TAFA2: variants seen among roughly 807,000 people sequenced by gnomAD.
TAFA2 encodes the protein TAFA chemokine like family member 2, also known as chemokine-like protein TAFA-2.
In TAFA2, 7 loss-of-function variants were observed where a neutral mutation model predicts 18.8. The observed-to-expected ratio is 0.37, with a 90% CI of 0.21 to 0.70. TAFA2 has a LOEUF of 0.70. Among genes scored for constraint, TAFA2 ranks in the 30% least tolerant of loss-of-function variants. The pLI, the probability that TAFA2 is intolerant of heterozygous loss-of-function variation, is 0.53. For missense variants in TAFA2, 122 were observed against 158.1 expected, an observed-to-expected ratio of 0.77 and a Z score of 1.23; for synonymous variants, 60 against 54.2, an observed-to-expected ratio of 1.11 and a Z score of -0.47.
chr12:62,104,688 T>A, intron 1 of TAFA2: 1 of 455,766 alleles, frequency 2.2e-6, no homozygotes, highest in Non-Finnish European at 4.4e-6. Context: ...TAACTAGTCC[T>A]CAACTAAGAG....
At chr12:62,050,584 A>C (rs1008193720) in intron 1 of TAFA2, among the ~76,000 whole-genome samples, 1 of 152,168 alleles carries the variant, frequency 6.6e-6, no homozygotes, top group South Asian at 2.1e-4. Flanking sequence ...AAAAAAAAAA[A>C]ATTGTTACAA....
At chr12:61,725,256 T>C (rs1451096039) in intron 4 of TAFA2, among the ~76,000 whole-genome samples, 3 of 152,156 alleles carry the variant, frequency 2.0e-5, no homozygotes, top group Admixed American at 6.6e-5. Context: ...TGCTGATTAT[T>C]ACTTTTGCTG....
At chr12:62,181,014 A>G (rs1032335566) in intron 1 of TAFA2, among the ~76,000 whole-genome samples, 1 of 152,196 alleles carries the variant, frequency 6.6e-6, no homozygotes, top group Non-Finnish European at 1.5e-5. Context: ...TGTAGTCTCT[A>G]AGTCTCCAGG....
chr12:61,775,079 C>T (rs1444767640), intron 2 of TAFA2, among the ~76,000 whole-genome samples: 2 of 151,708 alleles, frequency 1.3e-5, no homozygotes, highest in Non-Finnish European at 2.9e-5. Flanking sequence ...TGCTCCAAAT[C>T]ATGTGTCATC....
At chr12:61,979,997 A>C (rs974528736) in intron 1 of TAFA2, among the ~76,000 whole-genome samples, 1 of 152,170 alleles carries the variant, frequency 6.6e-6, no homozygotes, top group African/African-American at 2.4e-5. Context: ...AAATATACTT[A>C]TTCTGATATA....
Position 62,209,086 on chromosome 12 carries a change from A to AACAG in TAFA2, c.-130+49673_-130+49676dup, listed in dbSNP as rs1310593517. ...CCCCAACACAAGGTTTTTGAAAACA[A>AACAG]ACAGACTTCCACTTCAGCAGGAAAT... On this transcript the variant is annotated intron_variant, in intron 1 of 5. Coordinates refer to the TAFA2 transcript ENST00000551619. Among the ~76,000 whole-genome samples, 16 of 152,348 alleles carry AACAG rather than the reference A, an allele frequency of 1.1e-4. No individual in the cohort carries two copies. The East Asian group carries it at 2.9e-3, about 27-fold the overall frequency.
At chr12:62,243,530 T>C (rs894246428) in intron 1 of TAFA2, among the ~76,000 whole-genome samples, 7 of 152,190 alleles carry the variant, frequency 4.6e-5, no homozygotes, top group Admixed American at 1.3e-4. Context: ...TTCTGTTTCA[T>C]TGTGTGCTAA....
rs1420929259 is a variant in TAFA2, at chr12:61,753,754, A to G, written c.260-8T>C. ...TCTGTTCCACTATTGAAGCTATAAG[A>G]GAGAAAAAAAATTGACTCAACATTT... On this transcript the variant is annotated splice_polypyrimidine_tract_variant and splice_region_variant and intron_variant, in intron 3 of 4. Transcript: ENST00000416284. 1.9e-6 allele frequency: 3 copies of G among 1,595,392 alleles called. No homozygotes were observed. The highest frequency in any genetic ancestry group is 3.6e-5 in the Admixed American group (2 of 55,980).
At chr12:61,999,834 C>T (rs1210945880) in intron 1 of TAFA2, among the ~76,000 whole-genome samples, 1 of 152,150 alleles carries the variant, frequency 6.6e-6, no homozygotes, top group Non-Finnish European at 1.5e-5. Flanking sequence ...GAGAGATAGG[C>T]TGAATAACAT....
intron 1 of TAFA2, among the ~76,000 whole-genome samples, chr12:62,214,216 A>C (rs1240713352): frequency 6.6e-6 from 1 of 152,150 alleles, no homozygotes; most frequent in African/African-American, 2.4e-5. Flanking sequence ...CTGTATGCCC[A>C]CCCAAATCTC....
chr12:62,221,229 G>GGAAGGGGGGAAGGAAT, intron 1 of TAFA2, among the ~76,000 whole-genome samples: 1 of 140,222 alleles, frequency 7.1e-6, no homozygotes, highest in Non-Finnish European at 1.5e-5. Flanking sequence ...AAGGAAGGAA[G>GGAAGGGGGGAAGGAAT]GAAGGAAGGA....
intron 1 of TAFA2, among the ~76,000 whole-genome samples, chr12:62,029,835 C>CTG (rs1361269151): frequency 5.7e-4 from 86 of 151,794 alleles, no homozygotes; most frequent in African/African-American, 2.0e-3. Context: ...CTCTCTCTCT[C>CTG]TCTCTCTGTC....
chr12:62,238,166 G>C (rs1175147572), intron 1 of TAFA2, among the ~76,000 whole-genome samples: 2 of 152,278 alleles, frequency 1.3e-5, no homozygotes, highest in Admixed American at 1.3e-4. Context: ...GGAAACAATG[G>C]GTTTCCACAT....
chr12:61,895,408 C>T (rs985711788), intron 1 of TAFA2, among the ~76,000 whole-genome samples: 9 of 152,110 alleles, frequency 5.9e-5, no homozygotes, highest in African/African-American at 2.2e-4. Flanking sequence ...TACCCCTCCC[C>T]TAATCTACCG....
chr12:61,953,171 C>G (rs1236641567), intron 1 of TAFA2, among the ~76,000 whole-genome samples: 3 of 152,082 alleles, frequency 2.0e-5, no homozygotes, highest in East Asian at 1.9e-4. Flanking sequence ...TCCTGAGAAC[C>G]TATTGCCATG....
At chr12:61,838,530 G>A (rs1873031893) in intron 2 of TAFA2, among the ~76,000 whole-genome samples, 1 of 152,016 alleles carries the variant, frequency 6.6e-6, no homozygotes, top group African/African-American at 2.4e-5. Flanking sequence ...CATCCAAGAT[G>A]AAGTAGTCAG....
chr12:62,259,842 G>C (rs2062980189), upstream of TAFA2: 1 of 154,262 alleles, frequency 6.5e-6, no homozygotes, highest in Non-Finnish European at 1.4e-5. Flanking sequence ...AAGGAACCCA[G>C]GAAGGGCATG....
At chr12:61,939,497 AAAAATAAAAAT>A (rs1416771615) in intron 1 of TAFA2, among the ~76,000 whole-genome samples, 407 of 152,306 alleles carry the variant, frequency 2.7e-3, no homozygotes, top group African/African-American at 9.2e-3. Flanking sequence ...ATTCAACATT[AAAAATAAAAAT>A]AAAAAAACCT....
chr12:61,966,344 A>G (rs537563894), intron 1 of TAFA2, among the ~76,000 whole-genome samples: 1 of 151,914 alleles, frequency 6.6e-6, no homozygotes, highest in Non-Finnish European at 1.5e-5. Flanking sequence ...TGCATGTTCC[A>G]GAGGAAGGAA....
Sources: allele counts gnomAD v4.1 joint callset (sites outside exome capture counted in the v4.1 genomes callset), GRCh38; gene constraint gnomAD v4.1.1; transcripts MANE v1.5; gene names NCBI Gene and HGNC (gene_info 2026-07-23, HGNC 2026-07-21).